STYXL1: variants seen among roughly 807,000 people sequenced by gnomAD.
The protein encoded by STYXL1 is serine/threonine/tyrosine-interacting-like protein 1.
In STYXL1, 32 loss-of-function variants were observed where a neutral mutation model predicts 36.4. The ratio of observed to expected loss-of-function variants is 0.88; its 90% confidence interval spans 0.66 to 1.18. STYXL1 has a LOEUF of 1.18. Ranked by LOEUF, STYXL1 falls within the 50% of genes most tolerant of loss-of-function variation. STYXL1 has a pLI of 0.00. For synonymous variants in STYXL1, 133 were observed against 144.1 expected, an observed-to-expected ratio of 0.92 and a Z score of 0.55; for missense variants, 354 against 394.1, an observed-to-expected ratio of 0.90 and a Z score of 0.86.
At chr7:76,001,451 C>T (rs1276049081) in intron 7 of STYXL1, among the ~76,000 whole-genome samples, 7 of 152,120 alleles carry the variant, frequency 4.6e-5, no homozygotes, top group Non-Finnish European at 1.0e-4. Context: ...CCCATCTCCT[C>T]TCTTCTTTCC....
chr7:76,034,827 T>C (rs1554580385), intron 1 of STYXL1, among the ~76,000 whole-genome samples: 3 of 152,210 alleles, frequency 2.0e-5, no homozygotes. Flanking sequence ...CACCCGTAGC[T>C]GAGGACCAAC....
intron 1 of STYXL1, among the ~76,000 whole-genome samples, chr7:76,046,373 T>C: frequency 6.7e-6 from 1 of 148,276 alleles, no homozygotes; most frequent in Non-Finnish European, 1.5e-5. Context: ...TGAGCCGGAG[T>C]TTAGCTCTTA....
At position 76,042,390 on chromosome 7, in the gene STYXL1, C is replaced by CTTT. The variant is rs528469396; in HGVS notation, c.-5+5269_-5+5271dup. On this transcript the variant is annotated intron_variant, in intron 1 of 8. Transcript: ENST00000359697. The stretch of plus-strand genomic sequence containing the variant: ...ACTGCTCCCTGGGTGCCCTTATGTG[C>CTTT]TTTTTTTTTTTTTTTTTTTTTTTTT... Among the ~76,000 whole-genome samples the CTTT allele has an allele frequency of 6.3e-3, 265 of 41,810 alleles. 55 individuals carry two copies. The highest frequency in any genetic ancestry group is 0.016 in the East Asian group (24 of 1,482). The allele number at this position is 41,810 out of a possible 152,430, so 27.4% of individuals were successfully genotyped here.
At chr7:76,046,379 T>C in intron 1 of STYXL1, among the ~76,000 whole-genome samples, 2 of 148,686 alleles carry the variant, frequency 1.3e-5, no homozygotes, top group African/African-American at 5.0e-5. Flanking sequence ...GGAGTTTAGC[T>C]CTTATCACCC....
Sources: allele counts gnomAD v4.1 joint callset (sites outside exome capture counted in the v4.1 genomes callset), GRCh38; gene constraint gnomAD v4.1.1; transcripts MANE v1.5; gene names NCBI Gene and HGNC (gene_info 2026-07-23, HGNC 2026-07-21).